Variants in SLC22A3 observed in about 807,000 individuals in gnomAD.
The protein encoded by SLC22A3 is EMT organic cation transporter 3.
SLC22A3 carries 51 observed loss-of-function variants against 59.1 expected under a neutral mutation model. The ratio of observed to expected loss-of-function variants is 0.86; its 90% CI spans 0.69 to 1.09. SLC22A3 has a LOEUF of 1.09. Among genes scored for constraint, SLC22A3 ranks in the 50% least tolerant of loss-of-function variants. SLC22A3 has a pLI of 0.00. For missense variants in SLC22A3, 711 were observed against 726.3 expected, an observed-to-expected ratio of 0.98 and a Z score of 0.24; for synonymous variants, 325 against 292.0, an observed-to-expected ratio of 1.11 and a Z score of -1.15.
At chr6:160,406,915 CT>C (rs1220124952) in intron 2 of SLC22A3, 125 bp from the exon 3 acceptor site, 10 of 1,159,338 alleles carry the variant, frequency 8.6e-6, no homozygotes, top group Non-Finnish European at 7.0e-6. Flanking sequence ...TACAAAACAT[CT>C]TTAAAATAAA....
At position 160,442,869 on chromosome 6, in the gene SLC22A3, G is replaced by A. The variant is rs912462004; in HGVS notation, c.1397G>A (p.Arg466Gln). ...VNSELYPTTL[R>Q]NFGVSLCSGL... The stretch of plus-strand genomic sequence containing the variant: ...TCAGAATTGTACCCAACAACATTAC[G>A]GTAATTCTAACAAACGTTATAGTTT... The change falls in exon 8 of 11, where the codon CGA becomes CAA. Residue 466 changes from arginine (R) to glutamine (Q), a missense_variant and splice_region_variant. Transcript: ENST00000275300. The A allele has an allele frequency of 4.4e-6, 7 of 1,602,862 alleles. No homozygotes were observed. Among genetic ancestry groups the A allele is most frequent in the South Asian group, 2.2e-5 (2 of 90,856 alleles).
In SLC22A3 at chr6:160,434,723, G is replaced by T. The variant is rs541079152; in HGVS notation, c.976-2057G>T. Among the ~76,000 whole-genome samples, 97 of 152,226 alleles carry T rather than the reference G, an allele frequency of 6.4e-4. 1 individual carries two copies. The highest frequency in any genetic ancestry group is 2.2e-3 in the African/African-American group (90 of 41,538). ...CTGTCTTGTTTTTTGAGCAGCAAAG[G>T]TTAAGGTAGACACAGAAAAATCCCT... On this transcript the variant is annotated intron_variant, in intron 5 of 10. Transcript: ENST00000275300.
chr6:160,427,196 C>A (rs1192909663), intron 5 of SLC22A3, among the ~76,000 whole-genome samples: 1 of 152,146 alleles, frequency 6.6e-6, no homozygotes, highest in African/African-American at 2.4e-5. Flanking sequence ...AACGCAGAGA[C>A]CCCACTGCCG....
intron 1 of SLC22A3, among the ~76,000 whole-genome samples, chr6:160,362,929 C>T (rs1269558591): frequency 6.7e-6 from 1 of 149,506 alleles, no homozygotes; most frequent in Non-Finnish European, 1.5e-5. Context: ...ATCCAGGGAC[C>T]CACGGATACT....
At chr6:160,411,912 C>T (rs901949086) in intron 5 of SLC22A3, among the ~76,000 whole-genome samples, 7 of 152,076 alleles carry the variant, frequency 4.6e-5, no homozygotes, top group African/African-American at 1.7e-4. Context: ...GACTAAGTGA[C>T]TACAGAATAA....
chr6:160,352,946 G>C (rs1784709471), intron 1 of SLC22A3, among the ~76,000 whole-genome samples: 1 of 152,112 alleles, frequency 6.6e-6, no homozygotes, highest in African/African-American at 2.4e-5. Context: ...TCAGCCTCCT[G>C]AGTAGCTGGG....
At chr6:160,355,268 G>T (rs2114739251) in intron 1 of SLC22A3, among the ~76,000 whole-genome samples, 1 of 152,268 alleles carries the variant, frequency 6.6e-6, no homozygotes, top group Non-Finnish European at 1.5e-5. Context: ...TATGGAGGCT[G>T]GTGCCTCTAA....
intron 1 of SLC22A3, among the ~76,000 whole-genome samples, chr6:160,381,594 CTT>C (rs2114795995): frequency 6.6e-6 from 1 of 152,042 alleles, no homozygotes; most frequent in African/African-American, 2.4e-5. Flanking sequence ...GAGACACACA[CTT>C]AATTAGGCCT....
At chr6:160,406,367 T>C (rs1411394461) in intron 2 of SLC22A3, among the ~76,000 whole-genome samples, 1 of 152,220 alleles carries the variant, frequency 6.6e-6, no homozygotes, top group Non-Finnish European at 1.5e-5. Context: ...ACCACTATGC[T>C]GAACCAATTC....
intron 8 of SLC22A3, among the ~76,000 whole-genome samples, chr6:160,443,284 G>A (rs1009755224): frequency 3.3e-5 from 5 of 152,326 alleles, no homozygotes; most frequent in East Asian, 1.9e-4. Context: ...CAGTGTGCAC[G>A]GATTAGTGCA....
intron 2 of SLC22A3, among the ~76,000 whole-genome samples, chr6:160,400,984 G>GAAAAAAAAAAAAAAAAAAAAAAAC (rs58532600): frequency 2.5e-5 from 2 of 78,558 alleles, no homozygotes; most frequent in Admixed American, 1.6e-4. Flanking sequence ...CTCCAAAACT[G>GAAAAAAAAAAAAAAAAAAAAAAAC]AAAAAAAAAA....
At chr6:160,448,293 T>A (rs1788820794) in intron 10 of SLC22A3, among the ~76,000 whole-genome samples, 1 of 152,154 alleles carries the variant, frequency 6.6e-6, no homozygotes, top group African/African-American at 2.4e-5. Flanking sequence ...ACCAAAGGTG[T>A]TTTCTCTCTG....
intron 1 of SLC22A3, among the ~76,000 whole-genome samples, chr6:160,352,976 G>A (rs988641486): frequency 2.0e-5 from 3 of 152,148 alleles, no homozygotes; most frequent in Admixed American, 6.5e-5. Flanking sequence ...ACCCGCCACC[G>A]CGCCTGGCTA....
At chr6:160,395,535 T>C (rs954808886) in intron 1 of SLC22A3, among the ~76,000 whole-genome samples, 4 of 152,244 alleles carry the variant, frequency 2.6e-5, no homozygotes, top group African/African-American at 9.6e-5. Flanking sequence ...TATGTACTTT[T>C]ATTTTAGTAC....
At chr6:160,403,966 A>G (rs1007983989) in intron 2 of SLC22A3, among the ~76,000 whole-genome samples, 2 of 152,076 alleles carry the variant, frequency 1.3e-5, no homozygotes, top group African/African-American at 4.8e-5. Flanking sequence ...ATCATACTTA[A>G]TGACGATAAA....
chr6:160,414,253 T>C (rs1787377587), intron 5 of SLC22A3, among the ~76,000 whole-genome samples: 1 of 152,198 alleles, frequency 6.6e-6, no homozygotes, highest in Non-Finnish European at 1.5e-5. Flanking sequence ...TCATCAGAGG[T>C]TGCCAAATGA....
At chr6:160,363,012 C>G (rs1785073187) in intron 1 of SLC22A3, among the ~76,000 whole-genome samples, 1 of 152,156 alleles carries the variant, frequency 6.6e-6, no homozygotes, top group Non-Finnish European at 1.5e-5. Context: ...CGGAGCCCGC[C>G]GAGAGCTGAG....
Position 160,407,105 on chromosome 6 carries a change from G to A in SLC22A3, c.598G>A (p.Ala200Thr), listed in dbSNP as rs780863960. ...LGVGVTGVVVAFAPNFPVFVI... is the reference protein window; with the variant it reads ...LGVGVTGVVVTFAPNFPVFVI... ...TGTTGGCGTCACTGGGGTTGTGGTG[G>A]CCTTTGCACCAAACTTCCCTGTGTT... Residue 200 changes from alanine to threonine, a missense_variant, in exon 3 of 11, where the codon GCC (alanine) becomes ACC (threonine). Transcript: ENST00000275300. 1 of 1,612,210 alleles carries A rather than the reference G, an allele frequency of 6.2e-7. No individual in the cohort carries two copies. The highest frequency in any genetic ancestry group is 1.7e-5 in the Admixed American group (1 of 59,770).
rs763251892 is a variant in SLC22A3, at chr6:160,398,083, G to C, written c.533+1G>C. 4 of 1,610,222 alleles carry C rather than the reference G, an allele frequency of 2.5e-6. No homozygotes were observed. The highest frequency in any genetic ancestry group is 3.4e-6 in the Non-Finnish European group (4 of 1,176,574). On this transcript the variant is annotated splice_donor_variant, in intron 2 of 10. Transcript: ENST00000275300. LOFTEE classifies it high-confidence loss of function. The stretch of plus-strand genomic sequence containing the variant: ...TCACCTTAGGCTATGCAGCAGACAG[G>C]TAGGTACCAATGTGACAGCCATTTT...
Sources: gnomAD v4.1 joint callset for allele counts (sites outside exome capture counted in the v4.1 genomes callset) on GRCh38, gnomAD v4.1.1 for gene constraint, MANE v1.5 for transcripts, NCBI Gene and HGNC (gene_info 2026-07-23, HGNC 2026-07-21) for gene names.